The following SNX24 variants were observed in gnomAD, a reference collection of about 807,000 sequenced individuals.
SNX24 encodes sorting nexin-24.
A neutral mutation model predicts 28.7 loss-of-function variants in SNX24; 22 were observed. That is an observed-to-expected ratio of 0.77 (90% CI 0.55 to 1.10). The LOEUF (loss-of-function observed/expected upper bound fraction) is 1.10. Among genes scored for constraint, SNX24 ranks in the 50% least tolerant of loss-of-function variants. SNX24 has a pLI of 0.00. For synonymous variants in SNX24, 69 were observed against 71.5 expected (o/e 0.96, Z 0.18); for missense variants, 221 against 201.1 (o/e 1.10, Z -0.60).
chr5:123,003,450 A>G (rs1196571844), intron 6 of SNX24, among the ~76,000 whole-genome samples: 1 of 151,820 alleles, frequency 6.6e-6, no homozygotes, highest in African/African-American at 2.4e-5. Context: ...TATAGATTAA[A>G]TAGATAGTTT....
At chr5:122,862,111 G>T (rs537567610) in intron 1 of SNX24, among the ~76,000 whole-genome samples, 1 of 152,156 alleles carries the variant, frequency 6.6e-6, no homozygotes, top group Non-Finnish European at 1.5e-5. Flanking sequence ...TAGGCTCAGG[G>T]AATTGTATGG....
intron 3 of SNX24, among the ~76,000 whole-genome samples, chr5:122,989,498 C>A (rs1205726627): frequency 9.1e-6 from 1 of 109,666 alleles, no homozygotes; most frequent in African/African-American, 3.6e-5. Flanking sequence ...TTGGCTAGAT[C>A]TGTGTCACAT....
chr5:122,948,409 C>T (rs1759785971), intron 3 of SNX24, among the ~76,000 whole-genome samples: 1 of 152,106 alleles, frequency 6.6e-6, no homozygotes, highest in South Asian at 2.1e-4. Flanking sequence ...TTGGTAAGGG[C>T]CAGTAGTATG....
chr5:122,883,803 G>A (rs1298652436), intron 1 of SNX24, among the ~76,000 whole-genome samples: 5 of 151,972 alleles, frequency 3.3e-5, no homozygotes, highest in Non-Finnish European at 7.4e-5. Context: ...GCACGCATGC[G>A]CCACCACACC....
chr5:122,927,408 A>C (rs1758751419), intron 1 of SNX24, among the ~76,000 whole-genome samples: 1 of 146,272 alleles, frequency 6.8e-6, no homozygotes, highest in African/African-American at 2.6e-5. Flanking sequence ...TTTATCTTTT[A>C]TACTGTTTCT....
chr5:123,016,847 C>T (rs1176145726), intron 5 of SNX24, among the ~76,000 whole-genome samples: 1 of 152,080 alleles, frequency 6.6e-6, no homozygotes, highest in Non-Finnish European at 1.5e-5. Context: ...TCAGGGAGCT[C>T]CACGTGGCTG....
chr5:122,907,153 G>A (rs964209946), intron 1 of SNX24, among the ~76,000 whole-genome samples: 5 of 152,110 alleles, frequency 3.3e-5, no homozygotes, highest in African/African-American at 1.2e-4. Context: ...TCTAAGGAAG[G>A]AGTAACTTCA....
chr5:122,929,527 C>T (rs1160687545), intron 1 of SNX24, among the ~76,000 whole-genome samples: 1 of 151,846 alleles, frequency 6.6e-6, no homozygotes, highest in African/African-American at 2.4e-5. Context: ...GCCAAATGGA[C>T]GTTCTTTTCT....
intron 5 of SNX24, chr5:123,023,820 A>ACG: frequency 6.3e-7 from 1 of 1,595,510 alleles, no homozygotes; most frequent in South Asian, 1.1e-5. Context: ...ACACACACAC[A>ACG]CACACACACA....
chr5:122,910,677 T>A (rs1177520274), intron 1 of SNX24, among the ~76,000 whole-genome samples: 4 of 142,050 alleles, frequency 2.8e-5, no homozygotes, highest in Non-Finnish European at 4.5e-5. Flanking sequence ...GTCCATGTGT[T>A]CTCATTGTTC....
intron 3 of SNX24, among the ~76,000 whole-genome samples, chr5:122,976,739 C>T (rs942350361): frequency 6.6e-6 from 1 of 152,208 alleles, no homozygotes. Flanking sequence ...GGGCATTCTA[C>T]AAAAACTTGT....
intron 1 of SNX24, among the ~76,000 whole-genome samples, chr5:122,926,773 G>T (rs1487165333): frequency 6.6e-6 from 1 of 152,138 alleles, no homozygotes; most frequent in African/African-American, 2.4e-5. Flanking sequence ...ATCATGGGAG[G>T]TCAGGGTTCC....
intron 1 of SNX24, among the ~76,000 whole-genome samples, chr5:122,855,407 C>CAGGA (rs1440733343): frequency 6.6e-6 from 1 of 152,198 alleles, no homozygotes; most frequent in Admixed American, 6.5e-5. Context: ...TTTGCCCTAT[C>CAGGA]AGTTGACACT....
chr5:122,848,937 T>C (rs1754775321), intron 1 of SNX24, among the ~76,000 whole-genome samples: 2 of 152,196 alleles, frequency 1.3e-5, no homozygotes, highest in South Asian at 2.1e-4. Context: ...AGCTGTCATC[T>C]TACAATTTAT....
At chr5:122,989,083 G>A (rs1761724195) in intron 3 of SNX24, among the ~76,000 whole-genome samples, 1 of 151,698 alleles carries the variant, frequency 6.6e-6, no homozygotes, top group Admixed American at 6.6e-5. Flanking sequence ...ATGCTACTTA[G>A]TATTCTGTTC....
At chr5:122,919,734 G>GT (rs764361127) in intron 1 of SNX24, among the ~76,000 whole-genome samples, 27 of 152,314 alleles carry the variant, frequency 1.8e-4, no homozygotes, top group Non-Finnish European at 3.8e-4. Flanking sequence ...GAGACAGTGT[G>GT]TTTTTGCACA....
chr5:122,979,280 A>G (rs1444510288), intron 3 of SNX24, among the ~76,000 whole-genome samples: 1 of 152,218 alleles, frequency 6.6e-6, no homozygotes, highest in Non-Finnish European at 1.5e-5. Context: ...TACTTGCATA[A>G]AATAACCTTT....
intron 3 of SNX24, among the ~76,000 whole-genome samples, chr5:122,973,451 T>C (rs1761038762): frequency 6.6e-6 from 1 of 152,134 alleles, no homozygotes; most frequent in Non-Finnish European, 1.5e-5. Flanking sequence ...TGCAGAACCA[T>C]ATGTGAACCA....
At chr5:122,943,795 G>C (rs1363518897) in intron 2 of SNX24, among the ~76,000 whole-genome samples, 2 of 152,156 alleles carry the variant, frequency 1.3e-5, no homozygotes, top group African/African-American at 4.8e-5. Flanking sequence ...CTCAAGAGGA[G>C]GGGATCATAC....
Sources: gnomAD v4.1 joint callset for allele counts (sites outside exome capture counted in the v4.1 genomes callset) on GRCh38, gnomAD v4.1.1 for gene constraint, MANE v1.5 for transcripts, NCBI Gene and HGNC (gene_info 2026-07-23, HGNC 2026-07-21) for gene names.